Variants in LINGO2 observed in about 807,000 individuals in gnomAD.
LINGO2 encodes the protein leucine-rich repeat and immunoglobulin-like domain-containing nogo receptor-interacting protein 2.
A neutral mutation model predicts 30.6 loss-of-function variants in LINGO2; 14 were observed. That is an observed-to-expected ratio of 0.46 (90% CI 0.30 to 0.72). The LOEUF is 0.72. Ranked by LOEUF, LINGO2 falls within the 30% of genes least tolerant of loss-of-function variation. The pLI is 0.07. For synonymous variants in LINGO2, 317 were observed against 288.5 expected (o/e 1.10, Z -1.00); for missense variants, 729 against 751.7 (o/e 0.97, Z 0.35).
chr9:29,139,153 C>G, the LINGO2 span, among the ~76,000 whole-genome samples: 1 of 152,114 alleles, frequency 6.6e-6, no homozygotes, highest in African/African-American at 2.4e-5. Context: ...AGACTTGGAT[C>G]CTCAGCTCAA....
At chr9:28,065,216 C>T (rs933763241) in intron 4 of LINGO2, among the ~76,000 whole-genome samples, 5 of 151,536 alleles carry the variant, frequency 3.3e-5, no homozygotes, top group Non-Finnish European at 7.4e-5. Context: ...AAAAAAAACA[C>T]TGTCTCAAGA....
At chr9:29,011,173 C>T in the LINGO2 span, among the ~76,000 whole-genome samples, 3 of 152,140 alleles carry the variant, frequency 2.0e-5, no homozygotes, top group Admixed American at 6.6e-5. Context: ...ACTTGCATTA[C>T]TGTACATATA....
the LINGO2 span, among the ~76,000 whole-genome samples, chr9:29,132,212 A>AG: frequency 1.3e-5 from 2 of 151,824 alleles, no homozygotes. Flanking sequence ...ACGTTCCTCG[A>AG]GGGGGGGAAA....
At chr9:29,047,859 G>C in the LINGO2 span, among the ~76,000 whole-genome samples, 4 of 152,080 alleles carry the variant, frequency 2.6e-5, no homozygotes, top group Non-Finnish European at 4.4e-5. Flanking sequence ...CCAGCACTTT[G>C]GGAGGCTGAG....
At chr9:28,309,012 A>C (rs1330355062) in intron 3 of LINGO2, among the ~76,000 whole-genome samples, 1 of 152,144 alleles carries the variant, frequency 6.6e-6, no homozygotes, top group Non-Finnish European at 1.5e-5. Flanking sequence ...ACCATTGTGG[A>C]AGTCAGTGTG....
intron 1 of LINGO2, among the ~76,000 whole-genome samples, chr9:28,527,429 A>G (rs984640390): frequency 4.6e-5 from 7 of 152,178 alleles, no homozygotes; most frequent in Admixed American, 6.5e-5. Context: ...CCATGTTCTC[A>G]GGGGCCTTTC....
chr9:28,535,773 C>T (rs1821415057), intron 1 of LINGO2, among the ~76,000 whole-genome samples: 1 of 151,998 alleles, frequency 6.6e-6, no homozygotes. Context: ...CTACACTTAA[C>T]AGAAGAAAGT....
the LINGO2 span, among the ~76,000 whole-genome samples, chr9:28,784,549 T>C: frequency 6.6e-6 from 1 of 152,216 alleles, no homozygotes; most frequent in Non-Finnish European, 1.5e-5. Context: ...TAAAAAGTTT[T>C]GCACATAGTT....
At chr9:28,926,973 C>T in the LINGO2 span, among the ~76,000 whole-genome samples, 2 of 152,176 alleles carry the variant, frequency 1.3e-5, no homozygotes, top group African/African-American at 4.8e-5. Context: ...CCTCTGTCCA[C>T]ATAGATATTC....
At chr9:29,011,767 G>A in the LINGO2 span, among the ~76,000 whole-genome samples, 1 of 152,076 alleles carries the variant, frequency 6.6e-6, no homozygotes, top group Non-Finnish European at 1.5e-5. Context: ...TATTTTACTA[G>A]TCATTAACCC....
At chr9:28,482,726 C>CA (rs1826025312) in intron 1 of LINGO2, among the ~76,000 whole-genome samples, 1 of 151,936 alleles carries the variant, frequency 6.6e-6, no homozygotes, top group South Asian at 2.1e-4. Context: ...GCAAACCTGA[C>CA]AAAAACAAGC....
chr9:29,174,078 A>G, the LINGO2 span, among the ~76,000 whole-genome samples: 2 of 152,138 alleles, frequency 1.3e-5, no homozygotes, highest in Non-Finnish European at 2.9e-5. Flanking sequence ...CATTTCTGAG[A>G]TAACAGATAA....
chr9:28,170,418 T>C (rs565071476), intron 4 of LINGO2, among the ~76,000 whole-genome samples: 1 of 152,308 alleles, frequency 6.6e-6, no homozygotes, highest in East Asian at 1.9e-4. Flanking sequence ...GGAAAACAGC[T>C]AGAAAATGTA....
At chr9:28,939,043 A>C in the LINGO2 span, among the ~76,000 whole-genome samples, 1 of 152,146 alleles carries the variant, frequency 6.6e-6, no homozygotes, top group South Asian at 2.1e-4. Flanking sequence ...ACTTTCCTGC[A>C]CTTATCTTAT....
At chr9:28,374,103 G>A (rs1188883481) in intron 2 of LINGO2, among the ~76,000 whole-genome samples, 1 of 151,562 alleles carries the variant, frequency 6.6e-6, no homozygotes, top group Non-Finnish European at 1.5e-5. Context: ...TTTTATAGAC[G>A]AAGGACATGA....
chr9:28,402,625 A>T (rs549889125), intron 2 of LINGO2, among the ~76,000 whole-genome samples: 1 of 150,346 alleles, frequency 6.7e-6, no homozygotes, highest in Non-Finnish European at 1.5e-5. Context: ...CCTCTTAGGT[A>T]TCTGCTCTCC....
chr9:28,416,593 T>C (rs927857788), intron 2 of LINGO2, among the ~76,000 whole-genome samples: 4 of 152,134 alleles, frequency 2.6e-5, no homozygotes, highest in African/African-American at 9.7e-5. Flanking sequence ...AATGAGTGAA[T>C]CCCTTCTATC....
intron 2 of LINGO2, among the ~76,000 whole-genome samples, chr9:28,396,059 A>T (rs989434658): frequency 6.6e-6 from 1 of 152,184 alleles, no homozygotes; most frequent in African/African-American, 2.4e-5. Context: ...AGCTCTGGGT[A>T]ACAGAAAACT....
intron 4 of LINGO2, among the ~76,000 whole-genome samples, chr9:28,047,329 G>A (rs950666274): frequency 4.6e-5 from 7 of 152,124 alleles, no homozygotes; most frequent in Non-Finnish European, 1.0e-4. Flanking sequence ...TCTCCCAGCA[G>A]CAATCATGTC....
Sources: gnomAD v4.1 joint callset for allele counts (sites outside exome capture counted in the v4.1 genomes callset) on GRCh38, gnomAD v4.1.1 for gene constraint, MANE v1.5 for transcripts, NCBI Gene and HGNC (gene_info 2026-07-23, HGNC 2026-07-21) for gene names.